PTPRD: variants seen among roughly 807,000 people sequenced by gnomAD.
PTPRD encodes the protein protein tyrosine phosphatase receptor type D.
Under a neutral mutation model 214.5 loss-of-function variants are expected in PTPRD, and 34 were observed. That is an observed-to-expected ratio of 0.16 (90% CI 0.12 to 0.21). The LOEUF is 0.21. PTPRD is among the 10% of genes least tolerant of loss of function. The pLI is 1.00. For synonymous variants in PTPRD, 1,128 were observed against 845.7 expected, an observed-to-expected ratio of 1.33 and a Z score of -5.79; for missense variants, 2,545 against 2,398.7, an observed-to-expected ratio of 1.06 and a Z score of -1.27.
chr9:9,092,943 C>T (rs1419801084), intron 10 of PTPRD, among the ~76,000 whole-genome samples: 2 of 151,770 alleles, frequency 1.3e-5, no homozygotes, highest in Non-Finnish European at 2.9e-5. Flanking sequence ...TGACAAGAAA[C>T]CTGCTGTAAA....
At chr9:10,426,278 C>T (rs999785328) in intron 2 of PTPRD, among the ~76,000 whole-genome samples, 1 of 151,990 alleles carries the variant, frequency 6.6e-6, no homozygotes, top group Non-Finnish European at 1.5e-5. Flanking sequence ...TTAATCAATT[C>T]TCATTTCATG....
intron 4 of PTPRD, among the ~76,000 whole-genome samples, chr9:10,030,475 G>A (rs1022582439): frequency 2.0e-5 from 3 of 152,102 alleles, no homozygotes; most frequent in Non-Finnish European, 4.4e-5. Flanking sequence ...TGAGTATCAC[G>A]AGATAGAAAT....
intron 12 of PTPRD, among the ~76,000 whole-genome samples, chr9:8,711,793 G>A (rs888830611): frequency 1.3e-5 from 2 of 152,186 alleles, no homozygotes; most frequent in African/African-American, 2.4e-5. Flanking sequence ...AATGTTTATT[G>A]TAGCTTCATT....
At chr9:9,122,093 C>A (rs111801913) in intron 10 of PTPRD, among the ~76,000 whole-genome samples, 1 of 152,096 alleles carries the variant, frequency 6.6e-6, no homozygotes, top group South Asian at 2.1e-4. Flanking sequence ...AAAAGTAGAT[C>A]CTTGAAAAGT....
intron 3 of PTPRD, among the ~76,000 whole-genome samples, chr9:10,227,882 G>T (rs1182728019): frequency 6.6e-6 from 1 of 151,642 alleles, no homozygotes; most frequent in East Asian, 2.0e-4. Flanking sequence ...CTTGGCTGAG[G>T]ACTCGCAAGA....
At chr9:10,483,796 G>C (rs1160275065) in intron 2 of PTPRD, among the ~76,000 whole-genome samples, 2 of 152,132 alleles carry the variant, frequency 1.3e-5, no homozygotes, top group South Asian at 2.1e-4. Flanking sequence ...CACGGATGTG[G>C]TGCAAAGGGA....
At chr9:8,923,331 C>G (rs756333869) in intron 11 of PTPRD, among the ~76,000 whole-genome samples, 3 of 151,940 alleles carry the variant, frequency 2.0e-5, no homozygotes, top group Admixed American at 1.3e-4. Flanking sequence ...CATGAGCCAC[C>G]GCGCCTGGCC....
intron 3 of PTPRD, among the ~76,000 whole-genome samples, chr9:10,156,816 C>A (rs1253212609): frequency 6.6e-6 from 1 of 152,108 alleles, no homozygotes; most frequent in Non-Finnish European, 1.5e-5. Context: ...TCTGAGTGCT[C>A]GTATGTTGAG....
chr9:9,308,525 T>C (rs977008770), intron 9 of PTPRD, among the ~76,000 whole-genome samples: 6 of 152,156 alleles, frequency 3.9e-5, no homozygotes, highest in African/African-American at 1.2e-4. Flanking sequence ...TGTACTGAGA[T>C]TCACTTTTTG....
intron 8 of PTPRD, among the ~76,000 whole-genome samples, chr9:9,443,043 C>A (rs555420757): frequency 6.6e-6 from 1 of 151,950 alleles, no homozygotes; most frequent in Non-Finnish European, 1.5e-5. Context: ...AAACATAAAT[C>A]CCCAAAATGT....
chr9:9,554,824 A>C (rs188761801), intron 8 of PTPRD, among the ~76,000 whole-genome samples: 10 of 152,220 alleles, frequency 6.6e-5, no homozygotes, highest in Admixed American at 2.0e-4. Flanking sequence ...TCAAGGTATA[A>C]TCATAGGTCA....
rs142863651 is a variant in PTPRD at position 9,649,180 on chromosome 9, G to C, written c.-286-74399C>G. 6.4e-3 allele frequency among the ~76,000 whole-genome samples: 977 copies of C among 152,206 alleles called. 8 individuals carry two copies. The highest frequency in any genetic ancestry group is 0.023 in the African/African-American group (944 of 41,522). On this transcript the variant is annotated intron_variant, in intron 7 of 45. Coordinates refer to ENST00000381196, the MANE Select transcript of PTPRD (RefSeq NM_002839.4). ...CCATATATCAGTAATTTTCTAGGAG[G>C]CTCCTCATTTCATACATTCTGACCC...
rs549264884 is a variant in PTPRD, at chr9:10,459,957, C to A, written c.-599-118940G>T. 8.0e-4 allele frequency among the ~76,000 whole-genome samples: 122 copies of A among 151,940 alleles called. 1 individual carries two copies. Among genetic ancestry groups the A allele is most frequent in the Admixed American group, 1.6e-3 (24 of 15,250 alleles). ...TTTTTATTATGGCAAATATATATAA[C>A]ATAAAACTTCCTATTTTAACAATTT... On this transcript the variant is annotated intron_variant, in intron 2 of 45. Transcript: ENST00000381196.
At chr9:8,502,848 G>GTGTA (rs1554658829) in intron 23 of PTPRD, among the ~76,000 whole-genome samples, 1,850 of 147,128 alleles carry the variant, frequency 0.013, 17 homozygotes, top group African/African-American at 0.03. Flanking sequence ...ATGTGTGTGT[G>GTGTA]TATATATATA....
rs2097564833 is a variant in PTPRD at position 8,507,437 on chromosome 9, A to G, written c.1544-3T>C. 2 of 1,613,588 alleles carry G rather than the reference A, an allele frequency of 1.2e-6. No homozygotes were observed. Among genetic ancestry groups the G allele is most frequent in the Non-Finnish European group, 1.7e-6 (2 of 1,179,612 alleles). ...GAAGTTTAGTGGCTGCCCTGGTACTAAAAACAGGGAGGCAATGGATTGAAC... is the reference window on the plus strand; with the variant it reads ...GAAGTTTAGTGGCTGCCCTGGTACTGAAAACAGGGAGGCAATGGATTGAAC... On this transcript the variant is annotated splice_region_variant and splice_polypyrimidine_tract_variant and intron_variant, in intron 21 of 45. Coordinates refer to ENST00000381196, the MANE Select transcript of PTPRD (RefSeq NM_002839.4).
Position 9,042,615 on chromosome 9 carries a change from TTTTC to T in PTPRD, c.-142-23884_-142-23881del, listed in dbSNP as rs1170362769. 1.9e-4 allele frequency among the ~76,000 whole-genome samples: 8 copies of T among 41,794 alleles called. 2 individuals carry two copies. The highest frequency in any genetic ancestry group is 5.4e-4 in the Non-Finnish European group (7 of 13,064). The allele number at this position is 41,794 out of a possible 152,430, so 27.4% of individuals were successfully genotyped here. On this transcript the variant is annotated intron_variant, in intron 10 of 45. Coordinates refer to ENST00000381196, the MANE Select transcript of PTPRD (RefSeq NM_002839.4). The stretch of plus-strand genomic sequence containing the variant: ...CACTTAGCATTTTTTCTTTTTTTTC[TTTTC>T]TTTTTTTTTTTTTTTGGTCTATTCA...
chr9:10,324,466 C>G (rs1236960049), intron 3 of PTPRD, among the ~76,000 whole-genome samples: 1 of 151,864 alleles, frequency 6.6e-6, no homozygotes, highest in Non-Finnish European at 1.5e-5. Flanking sequence ...GTTATATGGC[C>G]AACAAGTAGA....
chr9:8,505,890 G>A (rs1028415708), intron 22 of PTPRD, among the ~76,000 whole-genome samples: 4 of 152,080 alleles, frequency 2.6e-5, no homozygotes, highest in East Asian at 1.9e-4. Flanking sequence ...TTTGGTGGTC[G>A]TGATGAAGGT....
At chr9:8,734,123 T>TA (rs2098691336) in intron 11 of PTPRD, among the ~76,000 whole-genome samples, 177 bp from the exon 12 acceptor site, 1 of 152,228 alleles carries the variant, frequency 6.6e-6, no homozygotes, top group Non-Finnish European at 1.5e-5. Context: ...ACTTGGTTTG[T>TA]AAAATGTAGG....
Sources: gnomAD v4.1 joint callset for allele counts (sites outside exome capture counted in the v4.1 genomes callset) on GRCh38, gnomAD v4.1.1 for gene constraint, MANE v1.5 for transcripts, NCBI Gene and HGNC (gene_info 2026-07-23, HGNC 2026-07-21) for gene names.